LUZP2: variants seen among roughly 807,000 people sequenced by gnomAD.
LUZP2 encodes the protein leucine zipper protein 2.
LUZP2 carries 52 observed loss-of-function variants against 51.6 expected under a neutral mutation model. The observed-to-expected ratio is 1.01, with a 90% confidence interval of 0.81 to 1.27. The LOEUF (loss-of-function observed/expected upper bound fraction) is 1.27, where lower values mean the gene tolerates loss of function less well. LUZP2 is among the 50% of genes most tolerant of loss of function. The pLI, the probability that LUZP2 is intolerant of heterozygous loss-of-function variation, is 0.00. For synonymous variants in LUZP2, 154 were observed against 137.3 expected, an observed-to-expected ratio of 1.12 and a Z score of -0.85; for missense variants, 436 against 395.4, an observed-to-expected ratio of 1.10 and a Z score of -0.87.
intron 5 of LUZP2, among the ~76,000 whole-genome samples, chr11:24,847,705 T>G (rs1380322916): frequency 6.6e-6 from 1 of 152,198 alleles, no homozygotes; most frequent in East Asian, 1.9e-4. Flanking sequence ...TGATGAATAT[T>G]GTCTGATCCT....
intron 5 of LUZP2, among the ~76,000 whole-genome samples, chr11:24,783,353 T>C (rs745812536): frequency 9.9e-5 from 15 of 152,012 alleles, no homozygotes; most frequent in Non-Finnish European, 1.3e-4. Flanking sequence ...ACTTCATTTT[T>C]TTTTTCCTAA....
intron 7 of LUZP2, among the ~76,000 whole-genome samples, chr11:24,939,073 C>T (rs79862200): frequency 6.7e-6 from 1 of 150,076 alleles, no homozygotes; most frequent in Non-Finnish European, 1.5e-5. Context: ...CTCTCTCTCT[C>T]TTTTTTTTTA....
chr11:24,866,720 A>G (rs1183721378), intron 5 of LUZP2, among the ~76,000 whole-genome samples: 1 of 152,180 alleles, frequency 6.6e-6, no homozygotes, highest in Non-Finnish European at 1.5e-5. Flanking sequence ...AACTTAAGAA[A>G]GTTGTTTGGG....
chr11:24,832,181 C>A (rs977855509), intron 5 of LUZP2: 2 of 151,796 alleles, frequency 1.3e-5, no homozygotes, highest in African/African-American at 4.8e-5. Context: ...TAATGAAATC[C>A]ATTACTGAGA....
At chr11:24,840,519 G>A (rs1404659255) in intron 5 of LUZP2, among the ~76,000 whole-genome samples, 1 of 151,798 alleles carries the variant, frequency 6.6e-6, no homozygotes, top group Non-Finnish European at 1.5e-5. Context: ...GTGGTTTTCA[G>A]TCCTGTATGA....
chr11:24,809,212 T>C (rs1291263829), intron 5 of LUZP2, among the ~76,000 whole-genome samples: 1 of 152,130 alleles, frequency 6.6e-6, no homozygotes, highest in Admixed American at 6.6e-5. Context: ...CCAAAACAAA[T>C]ATTATAAATT....
chr11:25,019,360 G>A (rs530942738), intron 9 of LUZP2, among the ~76,000 whole-genome samples: 3 of 151,966 alleles, frequency 2.0e-5, no homozygotes, highest in Non-Finnish European at 4.4e-5. Context: ...CTCACAAAAG[G>A]TGACACAGTT....
intron 1 of LUZP2, among the ~76,000 whole-genome samples, chr11:24,728,197 C>T (rs1343546866): frequency 1.3e-5 from 2 of 151,918 alleles, no homozygotes; most frequent in African/African-American, 2.4e-5. Flanking sequence ...TTCTTCCTGA[C>T]TTCCCTCTCA....
intron 9 of LUZP2, among the ~76,000 whole-genome samples, chr11:25,005,830 C>T (rs927232612): frequency 1.2e-4 from 19 of 152,208 alleles, no homozygotes; most frequent in African/African-American, 3.6e-4. Context: ...CAGGAAAAAT[C>T]GGATTTAGTG....
chr11:24,831,278 A>G (rs761133750), intron 5 of LUZP2, among the ~76,000 whole-genome samples: 1 of 152,120 alleles, frequency 6.6e-6, no homozygotes, highest in Non-Finnish European at 1.5e-5. Flanking sequence ...TCTTTATGCC[A>G]AAGGCAGAGA....
intron 5 of LUZP2, among the ~76,000 whole-genome samples, chr11:24,781,315 C>G (rs1351820332): frequency 5.3e-5 from 8 of 152,018 alleles, no homozygotes; most frequent in Admixed American, 2.6e-4. Context: ...CTCCTCCTCT[C>G]TTCTATAAAT....
chr11:24,704,198 A>C (rs1026864919), intron 1 of LUZP2, among the ~76,000 whole-genome samples: 5 of 152,142 alleles, frequency 3.3e-5, no homozygotes, highest in Admixed American at 1.3e-4. Context: ...TTTGGAGGGG[A>C]AAGGGACAAC....
intron 5 of LUZP2, among the ~76,000 whole-genome samples, chr11:24,903,510 C>G (rs1038647397): frequency 6.6e-6 from 1 of 152,174 alleles, no homozygotes; most frequent in African/African-American, 2.4e-5. Flanking sequence ...GTGGGGAACT[C>G]TTAAACTTGA....
At chr11:24,665,073 A>T (rs1333232957) in intron 1 of LUZP2, among the ~76,000 whole-genome samples, 1 of 152,210 alleles carries the variant, frequency 6.6e-6, no homozygotes, top group East Asian at 1.9e-4. Context: ...AGCCAGGAGC[A>T]TGGCTGTACC....
intron 1 of LUZP2, among the ~76,000 whole-genome samples, chr11:24,574,133 C>A (rs1010121135): frequency 1.3e-5 from 2 of 148,884 alleles, no homozygotes; most frequent in Admixed American, 1.3e-4. Flanking sequence ...CCTTTCCTTT[C>A]TCTTTCTTTC....
chr11:24,965,197 C>G (rs564461634), intron 7 of LUZP2, among the ~76,000 whole-genome samples: 119 of 150,418 alleles, frequency 7.9e-4, no homozygotes, highest in African/African-American at 2.8e-3. Context: ...CATTCTTCCT[C>G]TCTGCATAAT....
chr11:24,695,920 G>T (rs1857233862), intron 1 of LUZP2, among the ~76,000 whole-genome samples: 1 of 151,866 alleles, frequency 6.6e-6, no homozygotes, highest in South Asian at 2.1e-4. Context: ...GGGAAAGAAT[G>T]GGAAAATAAG....
At chr11:24,517,478 G>A (rs1465674240) in intron 1 of LUZP2, among the ~76,000 whole-genome samples, 4 of 29,380 alleles carry the variant, frequency 1.4e-4, no homozygotes, top group Non-Finnish European at 5.7e-5. Context: ...AGAGCCAGAC[G>A]CCGTCAAAAA....
chr11:24,677,166 T>A (rs1304178920), intron 1 of LUZP2, among the ~76,000 whole-genome samples: 1 of 152,216 alleles, frequency 6.6e-6, no homozygotes, highest in African/African-American at 2.4e-5. Context: ...TCTCCACCTG[T>A]AGCTGCCTGG....
Sources: allele counts gnomAD v4.1 joint callset (sites outside exome capture counted in the v4.1 genomes callset), GRCh38; gene constraint gnomAD v4.1.1; transcripts MANE v1.5; gene names NCBI Gene and HGNC (gene_info 2026-07-23, HGNC 2026-07-21).